PTPRD: variants seen among roughly 807,000 people sequenced by gnomAD.
PTPRD encodes protein tyrosine phosphatase receptor type D.
In PTPRD, 34 loss-of-function variants were observed where a neutral mutation model predicts 214.5. The ratio of observed to expected loss-of-function variants is 0.16; its 90% CI spans 0.12 to 0.21. The LOEUF (loss-of-function observed/expected upper bound fraction) is 0.21. Among genes scored for constraint, PTPRD ranks in the 10% least tolerant of loss-of-function variants. PTPRD has a pLI of 1.00. For missense variants in PTPRD, 2,545 were observed against 2,398.7 expected (o/e 1.06, Z -1.27); for synonymous variants, 1,128 against 845.7 (o/e 1.33, Z -5.79).
Position 10,439,379 on chromosome 9 carries a change from C to T in PTPRD, c.-599-98362G>A, listed in dbSNP as rs1304885504. ...AAAAATCAAGCAAACAAACAAAACC[C>T]TACATCTGGATTACTTCTATTAAAT... On this transcript the variant is annotated intron_variant, in intron 2 of 45. Coordinates refer to ENST00000381196, the MANE Select transcript of PTPRD (RefSeq NM_002839.4). Among the ~76,000 whole-genome samples, 3 of 151,826 alleles carry T rather than the reference C, an allele frequency of 2.0e-5. No individual in the cohort carries two copies. In the South Asian group the frequency reaches 6.2e-4, roughly 32 times the overall value.
At chr9:8,595,821 G>A (rs1156643614) in intron 14 of PTPRD, among the ~76,000 whole-genome samples, 2 of 152,122 alleles carry the variant, frequency 1.3e-5, no homozygotes, top group African/African-American at 2.4e-5. Flanking sequence ...TAATCCATGT[G>A]TGTTGACTTT....
intron 9 of PTPRD, among the ~76,000 whole-genome samples, chr9:9,303,521 T>C (rs984434060): frequency 5.3e-5 from 8 of 152,100 alleles, no homozygotes; most frequent in Non-Finnish European, 7.4e-5. Flanking sequence ...TTATTCACTA[T>C]TGTAAAAAGC....
At chr9:9,910,627 G>T (rs985285684) in intron 5 of PTPRD, among the ~76,000 whole-genome samples, 7 of 151,826 alleles carry the variant, frequency 4.6e-5, no homozygotes, top group African/African-American at 1.7e-4. Flanking sequence ...AATTGCTTGT[G>T]GAATTAGGCA....
At chr9:8,607,709 C>T (rs1330293386) in intron 14 of PTPRD, among the ~76,000 whole-genome samples, 1 of 152,034 alleles carries the variant, frequency 6.6e-6, no homozygotes, top group East Asian at 1.9e-4. Flanking sequence ...GTTATAATGC[C>T]ATTTGCAATG....
At chr9:8,704,610 CA>C (rs2098162573) in intron 12 of PTPRD, among the ~76,000 whole-genome samples, 1 of 152,022 alleles carries the variant, frequency 6.6e-6, no homozygotes. Flanking sequence ...AAGCACTGTA[CA>C]AACAGAATAT....
chr9:9,876,812 G>A (rs1049024602), intron 5 of PTPRD, among the ~76,000 whole-genome samples: 2 of 152,082 alleles, frequency 1.3e-5, no homozygotes, highest in African/African-American at 4.8e-5. Context: ...AATAATGACG[G>A]CATGCCATGC....
At chr9:8,826,985 CA>C (rs1050415849) in intron 11 of PTPRD, among the ~76,000 whole-genome samples, 19 of 151,952 alleles carry the variant, frequency 1.3e-4, no homozygotes, top group African/African-American at 4.6e-4. Flanking sequence ...TTTAAACTGG[CA>C]GATTTCTTCT....
intron 9 of PTPRD, among the ~76,000 whole-genome samples, chr9:9,209,885 T>C (rs1280502747): frequency 1.3e-5 from 2 of 152,156 alleles, no homozygotes; most frequent in African/African-American, 4.8e-5. Context: ...CAAAGGACTT[T>C]ATTACTCTCA....
chr9:9,827,335 C>A (rs532567389), intron 5 of PTPRD, among the ~76,000 whole-genome samples: 2 of 151,978 alleles, frequency 1.3e-5, no homozygotes, highest in African/African-American at 4.8e-5. Flanking sequence ...CAGAACAGAG[C>A]CCTCAGAAAT....
intron 7 of PTPRD, among the ~76,000 whole-genome samples, chr9:9,605,617 T>C (rs192715176): frequency 1.3e-5 from 2 of 152,216 alleles, no homozygotes; most frequent in South Asian, 2.1e-4. Context: ...GCAAATTATA[T>C]AACAAAATTT....
intron 9 of PTPRD, among the ~76,000 whole-genome samples, chr9:9,322,502 A>T (rs1264719765): frequency 1.3e-5 from 2 of 152,180 alleles, no homozygotes; most frequent in Non-Finnish European, 2.9e-5. Context: ...TCACTATACC[A>T]TGCTACTTCT....
chr9:9,355,230 C>A (rs1426306262), intron 9 of PTPRD, among the ~76,000 whole-genome samples: 5 of 151,346 alleles, frequency 3.3e-5, no homozygotes, highest in Admixed American at 2.0e-4. Context: ...AATTATACCT[C>A]GAAAAAGCTG....
chr9:9,046,388 A>T (rs1442362941), intron 10 of PTPRD, among the ~76,000 whole-genome samples: 1 of 152,186 alleles, frequency 6.6e-6, no homozygotes, highest in Admixed American at 6.6e-5. Flanking sequence ...AATTGTTTTT[A>T]TAAAATTTTC....
chr9:9,245,757 C>A (rs1001884373), intron 9 of PTPRD, among the ~76,000 whole-genome samples: 2 of 152,116 alleles, frequency 1.3e-5, no homozygotes, highest in African/African-American at 4.8e-5. Context: ...TACCCTAAAA[C>A]TAAATATATA....
intron 9 of PTPRD, among the ~76,000 whole-genome samples, chr9:9,371,655 C>A (rs1253119659): frequency 1.3e-5 from 2 of 152,158 alleles, no homozygotes; most frequent in African/African-American, 4.8e-5. Flanking sequence ...CTTCTGCTAG[C>A]TTTTGAATGT....
At chr9:10,523,311 C>A (rs531296599) in intron 2 of PTPRD, among the ~76,000 whole-genome samples, 1 of 151,804 alleles carries the variant, frequency 6.6e-6, no homozygotes. Context: ...ACTTGTGTTG[C>A]CTGCCTGGAT....
chr9:9,646,494 A>T (rs1470367134), intron 7 of PTPRD, among the ~76,000 whole-genome samples: 1 of 151,834 alleles, frequency 6.6e-6, no homozygotes, highest in Non-Finnish European at 1.5e-5. Flanking sequence ...TTTTCTGTTT[A>T]TTTTTCTGCT....
Position 10,511,943 on chromosome 9 carries a change from TATAC to T in PTPRD, c.-600+100451_-600+100454del, listed in dbSNP as rs1207500705. ...GTATATATATATACGTGTATATATA[TATAC>T]GTGTGTGTATATATATATACGTGTG... On this transcript the variant is annotated intron_variant, in intron 2 of 45. Coordinates refer to ENST00000381196, the MANE Select transcript of PTPRD (RefSeq NM_002839.4). Among the ~76,000 whole-genome samples, 27 of 60,358 alleles carry T rather than the reference TATAC, an allele frequency of 4.5e-4. 1 individual carries two copies. The highest frequency in any genetic ancestry group is 6.3e-4 in the Non-Finnish European group (17 of 26,830). 39.6% of individuals were successfully genotyped at this position (60,358 alleles called of 152,430 possible).
At chr9:10,398,673 A>G (rs1716306584) in intron 2 of PTPRD, among the ~76,000 whole-genome samples, 1 of 151,978 alleles carries the variant, frequency 6.6e-6, no homozygotes, top group South Asian at 2.1e-4. Flanking sequence ...CCGTGTTGTT[A>G]TGAGGAGCAG....
Sources: gnomAD v4.1 joint callset for allele counts (sites outside exome capture counted in the v4.1 genomes callset) on GRCh38, gnomAD v4.1.1 for gene constraint, MANE v1.5 for transcripts, NCBI Gene and HGNC (gene_info 2026-07-23, HGNC 2026-07-21) for gene names.